Variants in MIER1 observed in about 807,000 individuals in gnomAD.
MIER1 encodes MIER1 transcriptional regulator, also known as mesoderm induction early response protein 1.
A neutral mutation model predicts 75.7 loss-of-function variants in MIER1; 40 were observed. That is an observed-to-expected ratio of 0.53 (90% CI 0.41 to 0.69). The LOEUF is 0.69. Ranked by LOEUF, MIER1 falls within the 30% of genes least tolerant of loss-of-function variation. MIER1 has a pLI of 0.00. For synonymous variants in MIER1, 213 were observed against 223.4 expected (o/e 0.95, Z 0.42); for missense variants, 574 against 680.2 (o/e 0.84, Z 1.74).
At chr1:66,976,964 TTATG>T (rs1317319388) in intron 12 of MIER1, among the ~76,000 whole-genome samples, 2 of 152,214 alleles carry the variant, frequency 1.3e-5, no homozygotes, top group African/African-American at 4.8e-5. Context: ...ACAGTTCATA[TTATG>T]TATGAGACAA....
intron 2 of MIER1, chr1:66,929,031 T>C (rs1558009051): frequency 1.1e-6 from 1 of 937,960 alleles, no homozygotes; most frequent in East Asian, 2.5e-5. Flanking sequence ...CACAGATTAT[T>C]ATTGGACATA....
At position 66,958,164 on chromosome 1, in the gene MIER1, G is replaced by A; in HGVS notation, c.445G>A (p.Glu149Lys). ...EEEEEEEEEGEDDEDADNDDN... is the reference protein window; with the variant it reads ...EEEEEEEEEGKDDEDADNDDN... ...AGAGGAAGAAGAGGAAGAAGAAGGT[G>A]AAGATGATGAAGATGCTGATAATGA... The change falls in exon 5 of 14, where the codon GAA becomes AAA. Residue 149 changes from glutamate (E) to lysine (K), a missense_variant. Coordinates refer to ENST00000401041, the MANE Select transcript of MIER1 (RefSeq NM_001077700.3). The A allele has an allele frequency of 1.9e-6, 3 of 1,599,558 alleles. No homozygotes were observed. Among genetic ancestry groups the A allele is most frequent in the Non-Finnish European group, 2.6e-6 (3 of 1,166,884 alleles).
intron 11 of MIER1, among the ~76,000 whole-genome samples, chr1:66,974,539 T>C (rs72926093): frequency 0.08 from 12,207 of 152,068 alleles, 647 homozygotes; most frequent in African/African-American, 0.15. Context: ...TGATAGCTTA[T>C]GTAACAAGCA....
At position 66,927,390 on chromosome 1, in the gene MIER1, T is replaced by C. The variant is rs115955120; in HGVS notation, c.168+1148T>C. 9.4e-3 allele frequency among the ~76,000 whole-genome samples: 1,426 copies of C among 152,242 alleles called. 10 individuals carry two copies. The highest frequency in any genetic ancestry group is 0.031 in the Middle Eastern group (9 of 294). ...ACACTTTTTTAGTTTAAAAATTTTA[T>C]ACACAATTCCAACAGAACTACTGTT... On this transcript the variant is annotated intron_variant, in intron 2 of 13. Coordinates refer to ENST00000401041, the MANE Select transcript of MIER1 (RefSeq NM_001077700.3).
chr1:66,944,063 A>C (rs1656890099), intron 3 of MIER1, among the ~76,000 whole-genome samples: 1 of 152,012 alleles, frequency 6.6e-6, no homozygotes, highest in Non-Finnish European at 1.5e-5. Flanking sequence ...AATTGAGATA[A>C]TGTATATGAC....
chr1:66,945,773 C>T (rs1401238407), intron 3 of MIER1, among the ~76,000 whole-genome samples: 3 of 152,020 alleles, frequency 2.0e-5, no homozygotes, highest in Non-Finnish European at 4.4e-5. Flanking sequence ...GTAGAAGGAT[C>T]GCTTGGCCCT....
chr1:66,953,853 C>T (rs1479257756), intron 4 of MIER1, among the ~76,000 whole-genome samples: 7 of 152,106 alleles, frequency 4.6e-5, no homozygotes, highest in African/African-American at 1.7e-4. Flanking sequence ...ATCTGTCCCC[C>T]TCAGTCTCCC....
rs200350494 is a variant in MIER1, at chr1:66,958,193, C to A, written c.474C>A (p.Asp158Glu). ...GEDDEDADND[D>E]NSGCSGENKE... ...ATGATGAAGATGCTGATAATGATGACAACAGTGGCTGTAGTGGGGAAAATA... is the reference window on the plus strand; with the variant it reads ...ATGATGAAGATGCTGATAATGATGAAAACAGTGGCTGTAGTGGGGAAAATA... The change falls in exon 5 of 14, where the codon GAC becomes GAA. Residue 158 changes from aspartate (D) to glutamate (E), a missense_variant. Asp to Glu is a conservative substitution (Grantham distance 45). Transcript: ENST00000401041. The A allele has an allele frequency of 1.9e-5, 31 of 1,603,388 alleles. No homozygotes were observed. The highest frequency in any genetic ancestry group is 2.7e-5 in the African/African-American group (2 of 74,662).
chr1:66,969,158 C>G (rs1372149587), intron 8 of MIER1, among the ~76,000 whole-genome samples: 1 of 152,040 alleles, frequency 6.6e-6, no homozygotes, highest in African/African-American at 2.4e-5. Context: ...TTCCTTTGGG[C>G]TGTACTTTAA....
intron 4 of MIER1, among the ~76,000 whole-genome samples, chr1:66,951,152 C>T (rs1658838739): frequency 6.6e-6 from 1 of 152,184 alleles, no homozygotes; most frequent in African/African-American, 2.4e-5. Flanking sequence ...GAAATTAGGG[C>T]AGACTTAACT....
intron 4 of MIER1, 58 bp from the exon 5 acceptor site, chr1:66,958,001 G>T: frequency 9.1e-7 from 1 of 1,098,014 alleles, no homozygotes; most frequent in Non-Finnish European, 1.3e-6. Context: ...GTGGATTATA[G>T]CCTGGGAATC....
intron 4 of MIER1, among the ~76,000 whole-genome samples, chr1:66,954,435 A>AT (rs2101638041): frequency 6.6e-6 from 1 of 152,342 alleles, no homozygotes; most frequent in South Asian, 2.1e-4. Context: ...GCCTTCTGAA[A>AT]TGATACTTTG....
chr1:66,969,614 A>C (rs1281932340), intron 8 of MIER1, among the ~76,000 whole-genome samples: 1 of 149,600 alleles, frequency 6.7e-6, no homozygotes, highest in East Asian at 2.0e-4. Context: ...ATTAGCTGTT[A>C]ATTTCTTTTC....
chr1:66,971,586 C>CT (rs578118621), intron 9 of MIER1, 69 bp from the exon 10 acceptor site: 2 of 801,606 alleles, frequency 2.5e-6, no homozygotes, highest in Admixed American at 2.7e-5. Flanking sequence ...GTTTGAAAAA[C>CT]TTTTAAGAAA....
intron 2 of MIER1, among the ~76,000 whole-genome samples, chr1:66,937,755 A>G (rs1325546612): frequency 2.0e-5 from 3 of 152,368 alleles, no homozygotes; most frequent in East Asian, 1.9e-4. Context: ...ATAATTAGCT[A>G]TACAAAGTAA....
chr1:66,975,344 T>C (rs1664489559), intron 11 of MIER1, among the ~76,000 whole-genome samples: 1 of 152,040 alleles, frequency 6.6e-6, no homozygotes, highest in South Asian at 2.1e-4. Context: ...CTAGGCAACA[T>C]GGCAAAACCC....
At chr1:66,948,642 C>T (rs573391184) in intron 4 of MIER1, among the ~76,000 whole-genome samples, 7 of 152,316 alleles carry the variant, frequency 4.6e-5, no homozygotes, top group African/African-American at 1.7e-4. Context: ...CCTGTAATCT[C>T]AGTACTTCAG....
At chr1:66,977,226 C>T (rs1328332495) in intron 12 of MIER1, among the ~76,000 whole-genome samples, 1 of 152,094 alleles carries the variant, frequency 6.6e-6, no homozygotes. Flanking sequence ...TGTCCTGCCT[C>T]AGCCTCCCGA....
At position 66,975,002 on chromosome 1, in the gene MIER1, G is replaced by T. The variant is rs1664410925; in HGVS notation, c.1102-1593G>T. The stretch of plus-strand genomic sequence containing the variant: ...AGAGGAGACAAAAAACAGCTTGAGA[G>T]GATGATTTTTTTTAAAGTCCTGATT... On this transcript the variant is annotated intron_variant, in intron 11 of 13. Transcript: ENST00000401041. 2.0e-5 allele frequency among the ~76,000 whole-genome samples: 3 copies of T among 152,152 alleles called. No homozygotes were observed. In the South Asian group the frequency reaches 6.2e-4, roughly 32 times the overall value.
Sources: gnomAD v4.1 joint callset for allele counts (sites outside exome capture counted in the v4.1 genomes callset) on GRCh38, gnomAD v4.1.1 for gene constraint, MANE v1.5 for transcripts, NCBI Gene and HGNC (gene_info 2026-07-23, HGNC 2026-07-21) for gene names.